The following TENT5D variants were observed in gnomAD, a reference collection of about 807,000 sequenced individuals.
TENT5D encodes cancer/testis antigen 112.
For missense variants in TENT5D, 191 were observed against 287.0 expected (o/e 0.67, Z 2.42); for synonymous variants, 103 against 100.6 (o/e 1.02, Z -0.15).
At chrX:80,421,985 G>A (rs1931894089) in intron 1 of TENT5D, among the ~76,000 whole-genome samples, 1 of 110,930 alleles carries the variant, frequency 9.0e-6, no homozygotes, top group African/African-American at 3.3e-5. Context: ...GGGAGGTTGG[G>A]AATTCATGGG....
intron 3 of TENT5D, among the ~76,000 whole-genome samples, chrX:80,402,244 T>A (rs758140210): frequency 4.6e-4 from 52 of 111,931 alleles, no homozygotes; most frequent in African/African-American, 1.6e-3. Context: ...TCAGTTTTAA[T>A]GTCTCTTGTT....
At chrX:80,387,722 G>A (rs1484489587) in intron 3 of TENT5D, among the ~76,000 whole-genome samples, 1 of 110,824 alleles carries the variant, frequency 9.0e-6, no homozygotes, top group African/African-American at 3.3e-5. Flanking sequence ...TCTCACCCAA[G>A]GCCGAGTATA....
At chrX:80,404,829 C>T (rs1931450761) in intron 3 of TENT5D, among the ~76,000 whole-genome samples, 1 of 111,870 alleles carries the variant, frequency 8.9e-6, no homozygotes, top group Non-Finnish European at 1.9e-5. Context: ...CAGAAAGTTA[C>T]ATGGATGTAA....
chrX:80,362,099 T>C (rs984472215), intron 3 of TENT5D, among the ~76,000 whole-genome samples: 1 of 111,907 alleles, frequency 8.9e-6, no homozygotes, highest in Admixed American at 9.5e-5. Flanking sequence ...TTTCTGTTCC[T>C]GCATTAATTC....
At chrX:80,359,626 G>C (rs1484101924) in intron 3 of TENT5D, among the ~76,000 whole-genome samples, 1 of 110,859 alleles carries the variant, frequency 9.0e-6, no homozygotes, top group Non-Finnish European at 1.9e-5. Context: ...TCACACACCA[G>C]GGCCTATTGG....
chrX:80,350,241 G>A (rs1015202852), intron 3 of TENT5D, among the ~76,000 whole-genome samples: 2 of 111,182 alleles, frequency 1.8e-5, no homozygotes, highest in African/African-American at 3.3e-5. Flanking sequence ...AATATTGACA[G>A]TGGGGCGTTA....
At chrX:80,436,131 G>T (rs752938701) in intron 1 of TENT5D, among the ~76,000 whole-genome samples, 1 of 110,625 alleles carries the variant, frequency 9.0e-6, no homozygotes. Context: ...CCCTTTAAAT[G>T]GGCATATATT....
chrX:80,346,095 A>T (rs2147513769), intron 3 of TENT5D, among the ~76,000 whole-genome samples: 1 of 112,176 alleles, frequency 8.9e-6, no homozygotes, highest in East Asian at 2.8e-4. Context: ...AACCTTCAAG[A>T]ATTGTCATTT....
At chrX:80,366,828 CTA>C (rs1930520413) in intron 3 of TENT5D, among the ~76,000 whole-genome samples, 1 of 111,559 alleles carries the variant, frequency 9.0e-6, no homozygotes, top group Admixed American at 9.6e-5. Flanking sequence ...GACTCCAAGA[CTA>C]TCATATTTTC....
At position 80,382,934 on chromosome X, in the gene TENT5D, G is replaced by A. The variant is rs770521974; in HGVS notation, c.-142+40370G>A. On this transcript the variant is annotated intron_variant, in intron 3 of 4. Coordinates refer to the TENT5D transcript ENST00000538312. The stretch of plus-strand genomic sequence containing the variant: ...CTTGGCCAGGAAAGGGAAATCCCCC[G>A]ACCCCTTGGCTTCCTGGGTGAGGGG... 1.7e-4 allele frequency among the ~76,000 whole-genome samples: 19 copies of A among 112,151 alleles called. No homozygotes were observed. The South Asian group carries it at 5.2e-3, about 31-fold the overall frequency.
chrX:80,397,093 C>T (rs1489437870), intron 3 of TENT5D, among the ~76,000 whole-genome samples: 7 of 97,195 alleles, frequency 7.2e-5, no homozygotes, highest in East Asian at 3.5e-4. Flanking sequence ...ACTTCCCAGA[C>T]GGGGTGGTTG....
Position 80,373,823 on chromosome X carries a change from A to G in TENT5D, c.-142+31259A>G, listed in dbSNP as rs767370313. 4.5e-5 allele frequency among the ~76,000 whole-genome samples: 5 copies of G among 111,591 alleles called. No homozygotes were observed. In the East Asian group the frequency reaches 1.4e-3, roughly 31 times the overall value. On this transcript the variant is annotated intron_variant, in intron 3 of 4. Transcript: ENST00000538312. ...ATATTTCATGTATATTTTTTAGATT[A>G]ATCTTCACAAAAGCATTTTTTAAAC...
intron 3 of TENT5D, among the ~76,000 whole-genome samples, chrX:80,390,004 A>G (rs1383393708): frequency 9.0e-6 from 1 of 111,115 alleles, no homozygotes; most frequent in African/African-American, 3.3e-5. Flanking sequence ...AAAACTTTTG[A>G]GTATTTGAGA....
At position 80,435,534 on chromosome X, in the gene TENT5D, A is replaced by T. The variant is rs1388137052; in HGVS notation, c.-141-3076A>T. ...TTTGTAATTATTTTTAATGTAATGT[A>T]CTAATACAGAAGTCCTCAAAGAGGG... is the stretch of plus-strand genomic sequence containing the variant. On this transcript the variant is annotated intron_variant, in intron 1 of 2. Coordinates refer to ENST00000308293, the Ensembl canonical transcript of TENT5D. Among the ~76,000 whole-genome samples, 7 of 112,602 alleles carry T rather than the reference A, an allele frequency of 6.2e-5. No individual in the cohort carries two copies. The Admixed American group carries it at 6.6e-4, about 11-fold the overall frequency.
chrX:80,442,290 A>G (rs1602226260), intron 2 of TENT5D, among the ~76,000 whole-genome samples: 1 of 111,715 alleles, frequency 9.0e-6, no homozygotes, highest in South Asian at 3.7e-4. Context: ...AACTCCAGAA[A>G]ATTCCTGAGA....
intron 3 of TENT5D, among the ~76,000 whole-genome samples, chrX:80,411,496 A>T (rs1466749599): frequency 8.9e-6 from 1 of 111,950 alleles, no homozygotes; most frequent in Non-Finnish European, 1.9e-5. Context: ...CTCATATAAA[A>T]TTATTTTTCT....
At chrX:80,356,383 C>T (rs1930284491) in intron 3 of TENT5D, among the ~76,000 whole-genome samples, 4 of 111,432 alleles carry the variant, frequency 3.6e-5, no homozygotes, top group African/African-American at 9.8e-5. Flanking sequence ...AACAAAATGA[C>T]GAGTGTAAAA....
In TENT5D at chrX:80,380,184, A is replaced by T. The variant is rs781509191; in HGVS notation, c.-142+37620A>T. Among the ~76,000 whole-genome samples the T allele has an allele frequency of 7.6e-4, 83 of 109,589 alleles. 1 individual carries two copies. The highest frequency in any genetic ancestry group is 1.4e-3 in the Non-Finnish European group (73 of 52,780). On this transcript the variant is annotated intron_variant, in intron 3 of 4. Transcript: ENST00000538312. Reference sequence around the variant, plus strand: ...CCTTTGTTCTCATTGGTTTCAAAGAACATCTTTATTTCTGCTTTCATTTCA... The same window carrying T: ...CCTTTGTTCTCATTGGTTTCAAAGATCATCTTTATTTCTGCTTTCATTTCA...
At chrX:80,395,154 G>A (rs1399390018) in intron 3 of TENT5D, among the ~76,000 whole-genome samples, 3 of 111,871 alleles carry the variant, frequency 2.7e-5, no homozygotes, top group Non-Finnish European at 5.6e-5. Context: ...TTTACTTAAT[G>A]TAAGCTTTTC....
Sources: allele counts gnomAD v4.1 joint callset (sites outside exome capture counted in the v4.1 genomes callset), GRCh38; gene constraint gnomAD v4.1.1; transcripts MANE v1.5; gene names NCBI Gene and HGNC (gene_info 2026-07-23, HGNC 2026-07-21).